The following AMBRA1 variants were observed in gnomAD, a reference collection of about 807,000 sequenced individuals.
The protein encoded by AMBRA1 is autophagy and beclin 1 regulator 1, also known as activating molecule in BECN1-regulated autophagy protein 1.
In AMBRA1, 47 loss-of-function variants were observed where a neutral mutation model predicts 125.4. The ratio of observed to expected loss-of-function variants is 0.37; its 90% CI spans 0.30 to 0.48. AMBRA1 has a LOEUF of 0.48. AMBRA1 is among the 20% of genes least tolerant of loss of function. The pLI is 0.99. For synonymous variants in AMBRA1, 626 were observed against 655.5 expected (o/e 0.95, Z 0.69); for missense variants, 1,331 against 1,693.4 (o/e 0.79, Z 3.76).
chr11:46,543,417 T>C lies in AMBRA1; in HGVS notation c.619-19A>G, dbSNP rs1490213615. The C allele has an allele frequency of 6.2e-7, 1 of 1,612,780 alleles. No individual in the cohort carries two copies. On this transcript the variant is annotated intron_variant, in intron 6 of 17. Coordinates refer to ENST00000683756, the MANE Select transcript of AMBRA1 (RefSeq NM_001387011.1). ...CATCACCCTGCAACGTGGACCAGCA[T>C]GGGGCAGGGGGTAGAGCAAGGCAGT...
intron 11 of AMBRA1, 113 bp from the exon 12 acceptor site, chr11:46,443,711 T>A: frequency 1.1e-6 from 1 of 882,164 alleles, no homozygotes; most frequent in South Asian, 1.7e-5. Flanking sequence ...AAAACTAGAC[T>A]ATGGCTGAAG....
chr11:46,515,956 G>A (rs1951461948), intron 7 of AMBRA1, among the ~76,000 whole-genome samples: 1 of 152,182 alleles, frequency 6.6e-6, no homozygotes, highest in African/African-American at 2.4e-5. Context: ...TTACAGGTGT[G>A]AGCCACTGTG....
At chr11:46,523,696 C>A (rs539644174) in intron 7 of AMBRA1, among the ~76,000 whole-genome samples, 10 of 152,186 alleles carry the variant, frequency 6.6e-5, no homozygotes, top group Middle Eastern at 6.8e-3. Context: ...TACCCAGATG[C>A]GCTTTATTTA....
At chr11:46,501,644 T>A (rs1223166293) in intron 9 of AMBRA1, among the ~76,000 whole-genome samples, 1 of 152,238 alleles carries the variant, frequency 6.6e-6, no homozygotes, top group Non-Finnish European at 1.5e-5. Flanking sequence ...TTTGCAAACA[T>A]CTATTCCTTG....
intron 14 of AMBRA1, among the ~76,000 whole-genome samples, chr11:46,420,050 G>A (rs1016347260): frequency 1.1e-4 from 7 of 66,400 alleles, no homozygotes; most frequent in African/African-American, 1.1e-4. Context: ...GCTGAGAAAT[G>A]TGCCCAGGTA....
At chr11:46,491,844 G>A (rs1950475442) in intron 11 of AMBRA1, among the ~76,000 whole-genome samples, 1 of 152,182 alleles carries the variant, frequency 6.6e-6, no homozygotes, top group Non-Finnish European at 1.5e-5. Flanking sequence ...AAGGCATAAA[G>A]TAGGAAACAG....
chr11:46,430,981 C>T (rs778218416), intron 14 of AMBRA1, among the ~76,000 whole-genome samples: 1 of 152,234 alleles, frequency 6.6e-6, no homozygotes, highest in Admixed American at 6.5e-5. Context: ...AACGGTGATA[C>T]AGCACAGCTA....
chr11:46,412,315 A>T (rs1291196825), intron 15 of AMBRA1, among the ~76,000 whole-genome samples: 2 of 152,062 alleles, frequency 1.3e-5, no homozygotes, highest in African/African-American at 4.8e-5. Context: ...ATTGCATCTC[A>T]CTCTGTTGCC....
chr11:46,533,389 T>A (rs1952307797), intron 7 of AMBRA1, among the ~76,000 whole-genome samples: 1 of 152,194 alleles, frequency 6.6e-6, no homozygotes, highest in African/African-American at 2.4e-5. Context: ...AGGAATTTCA[T>A]TTCCATTTAT....
intron 1 of AMBRA1, among the ~76,000 whole-genome samples, chr11:46,592,609 T>C (rs1345086711): frequency 6.6e-6 from 1 of 151,898 alleles, no homozygotes; most frequent in East Asian, 1.9e-4. Context: ...AATACAAAAA[T>C]TAGCCGAGTG....
chr11:46,478,748 G>A (rs972095878), intron 11 of AMBRA1, among the ~76,000 whole-genome samples: 13 of 128,164 alleles, frequency 1.0e-4, no homozygotes, highest in Non-Finnish European at 1.4e-4. Context: ...TCCACCTCCC[G>A]GGTTCAAGCG....
At chr11:46,431,236 C>T (rs1341970972) in intron 14 of AMBRA1, among the ~76,000 whole-genome samples, 2 of 152,212 alleles carry the variant, frequency 1.3e-5, no homozygotes, top group Admixed American at 6.5e-5. Context: ...GGTACTTCAG[C>T]TCCCTTTCTT....
rs540336613 is a variant in AMBRA1, at chr11:46,497,540, C to T, written c.2340-3336G>A. ...AGAAATGACAGGAGAGGACCCAGCA[C>T]GACCAGGAAAATGTGAAACATAATA... On this transcript the variant is annotated intron_variant, in intron 9 of 17. Coordinates refer to ENST00000683756, the MANE Select transcript of AMBRA1 (RefSeq NM_001387011.1). Among the ~76,000 whole-genome samples, 7 of 152,242 alleles carry T rather than the reference C, an allele frequency of 4.6e-5. 1 individual carries two copies. The highest frequency in any genetic ancestry group is 4.1e-4 in the South Asian group (2 of 4,824).
chr11:46,548,919 A>G (rs907676994), intron 1 of AMBRA1: 6 of 152,582 alleles, frequency 3.9e-5, no homozygotes, highest in Non-Finnish European at 7.3e-5. Context: ...TGAACCCAGG[A>G]CGCAGAAGTT....
In AMBRA1 at chr11:46,490,434, T is replaced by A. The variant is rs1950420238; in HGVS notation, c.2521+3174A>T. ...AATATTTTAAAAATTCTTTTTGCAA[T>A]AACTTACTCTTCACCTTATAACACT... On this transcript the variant is annotated intron_variant, in intron 11 of 17. Coordinates refer to ENST00000683756, the MANE Select transcript of AMBRA1 (RefSeq NM_001387011.1). Among the ~76,000 whole-genome samples, 4 of 152,352 alleles carry A rather than the reference T, an allele frequency of 2.6e-5. No individual in the cohort carries two copies. The South Asian group carries it at 8.3e-4, about 32-fold the overall frequency.
chr11:46,423,694 T>A (rs1319180207), intron 14 of AMBRA1, among the ~76,000 whole-genome samples: 1 of 142,514 alleles, frequency 7.0e-6, no homozygotes, highest in Non-Finnish European at 1.5e-5. Flanking sequence ...CCCGGCCAAT[T>A]TTTATTATTT....
intron 9 of AMBRA1, among the ~76,000 whole-genome samples, chr11:46,501,890 T>C (rs1250626291): frequency 6.6e-6 from 1 of 152,210 alleles, no homozygotes; most frequent in East Asian, 1.9e-4. Flanking sequence ...TTCATTATAG[T>C]AGTTTCGCTT....
intron 14 of AMBRA1, among the ~76,000 whole-genome samples, chr11:46,433,148 A>T (rs1947532902): frequency 1.3e-5 from 2 of 152,374 alleles, no homozygotes; most frequent in Admixed American, 1.3e-4. Flanking sequence ...AGCTTTAAAA[A>T]TAAGCATTTC....
intron 7 of AMBRA1, among the ~76,000 whole-genome samples, chr11:46,532,698 G>A (rs549929601): frequency 6.6e-6 from 1 of 152,220 alleles, no homozygotes; most frequent in Non-Finnish European, 1.5e-5. Context: ...GCCTTCCAAA[G>A]TGCTGGGATT....
Sources: allele counts gnomAD v4.1 joint callset (sites outside exome capture counted in the v4.1 genomes callset), GRCh38; gene constraint gnomAD v4.1.1; transcripts MANE v1.5; gene names NCBI Gene and HGNC (gene_info 2026-07-23, HGNC 2026-07-21).